TAF4B: variants seen among roughly 807,000 people sequenced by gnomAD.
The protein encoded by TAF4B is TATA-box binding protein associated factor 4b, also known as transcription initiation factor TFIID subunit 4B.
Under a neutral mutation model 86.4 loss-of-function variants are expected in TAF4B, and 38 were observed. The ratio of observed to expected loss-of-function variants is 0.44; its 90% CI spans 0.34 to 0.58. TAF4B has a LOEUF of 0.58. Among genes scored for constraint, TAF4B ranks in the 20% least tolerant of loss-of-function variants. The probability of loss-of-function intolerance (pLI) is 0.02; values close to 1 mark genes in which losing one functional copy is unlikely to be tolerated. For synonymous variants in TAF4B, 388 were observed against 391.2 expected (o/e 0.99, Z 0.10); for missense variants, 988 against 1,027.6 (o/e 0.96, Z 0.53).
At chr18:26,249,462 A>G (rs72880106) in intron 1 of TAF4B, among the ~76,000 whole-genome samples, 6,373 of 150,424 alleles carry the variant, frequency 0.042, 182 homozygotes, top group Non-Finnish European at 0.059. Flanking sequence ...ACAGAGCAAA[A>G]CTCTCTCTCT....
rs1180050315 is a variant in TAF4B, at chr18:26,346,738, A to AAT, written c.2317-10937_2317-10936dup. Among the ~76,000 whole-genome samples, 80 of 90,514 alleles carry AAT rather than the reference A, an allele frequency of 8.8e-4. 7 individuals carry two copies. Among genetic ancestry groups the AAT allele is most frequent in the African/African-American group, 2.0e-3 (50 of 25,488 alleles). 59.4% of individuals were successfully genotyped at this position (90,514 alleles called of 152,430 possible). The stretch of plus-strand genomic sequence containing the variant: ...AAATTTTAAAAAACTGCTAGCCAAG[A>AAT]ATATATATATATATATGTGTGTATA... On this transcript the variant is annotated intron_variant, in intron 13 of 14. Coordinates refer to ENST00000269142, the MANE Select transcript of TAF4B (RefSeq NM_005640.3).
intron 1 of TAF4B, among the ~76,000 whole-genome samples, chr18:26,231,724 A>G (rs992924816): frequency 1.3e-5 from 2 of 152,052 alleles, no homozygotes; most frequent in African/African-American, 4.8e-5. Flanking sequence ...TGCTGACTTC[A>G]AGAATGAAGC....
chr18:26,357,271 A>G (rs1286358004), intron 13 of TAF4B, among the ~76,000 whole-genome samples: 1 of 152,204 alleles, frequency 6.6e-6, no homozygotes, highest in Admixed American at 6.5e-5. Flanking sequence ...TGTAAATTAT[A>G]TAGCATAGTA....
intron 9 of TAF4B, among the ~76,000 whole-genome samples, chr18:26,306,763 G>GTTAT (rs78568667): frequency 0.066 from 9,911 of 151,066 alleles, 388 homozygotes; most frequent in Non-Finnish European, 0.087. Flanking sequence ...CATCACTTCA[G>GTTAT]TTATTTATTT....
intron 9 of TAF4B, among the ~76,000 whole-genome samples, chr18:26,308,841 C>T (rs2056823753): frequency 7.9e-6 from 1 of 126,720 alleles, no homozygotes. Flanking sequence ...CATTTCACTC[C>T]AACCTGGCAG....
intron 13 of TAF4B, among the ~76,000 whole-genome samples, chr18:26,351,765 T>TA (rs1197706821): frequency 2.6e-5 from 4 of 152,136 alleles, no homozygotes; most frequent in African/African-American, 2.4e-5. Flanking sequence ...ATGACTGATG[T>TA]AAAAAATGAT....
At chr18:26,245,590 G>A (rs2055911198) in intron 1 of TAF4B, among the ~76,000 whole-genome samples, 1 of 152,074 alleles carries the variant, frequency 6.6e-6, no homozygotes, top group South Asian at 2.1e-4. Context: ...GCATTTTACA[G>A]AGCACTGATT....
At chr18:26,229,964 A>AAATATAT (rs1555669580) in intron 1 of TAF4B, among the ~76,000 whole-genome samples, 15 of 149,564 alleles carry the variant, frequency 1.0e-4, no homozygotes, top group African/African-American at 3.7e-4. Context: ...TTAAAAAAAA[A>AAATATAT]ATATATATAT....
At position 26,387,146 on chromosome 18, in the gene TAF4B, A is replaced by G. The variant is rs545967183; in HGVS notation, c.2422-2699A>G. On this transcript the variant is annotated intron_variant, in intron 14 of 14. Transcript: ENST00000269142. ...AGTGGCATGATCTTGGCTCACTTCA[A>G]CCTCTGCCTCCCAAGTTCAAGCAGT... Among the ~76,000 whole-genome samples the G allele has an allele frequency of 2.6e-5, 4 of 152,164 alleles. No individual in the cohort carries two copies. In the East Asian group the frequency reaches 5.8e-4, roughly 22 times the overall value.
At chr18:26,339,299 CTT>C (rs1287279540) in intron 13 of TAF4B, among the ~76,000 whole-genome samples, 1 of 152,078 alleles carries the variant, frequency 6.6e-6, no homozygotes, top group African/African-American at 2.4e-5. Context: ...TTTACCATCT[CTT>C]TGTGAAAGTT....
intron 5 of TAF4B, among the ~76,000 whole-genome samples, chr18:26,278,999 T>G (rs1451762093): frequency 6.6e-6 from 1 of 151,342 alleles, no homozygotes; most frequent in Non-Finnish European, 1.5e-5. Context: ...CATTCCTATT[T>G]AACATAATAT....
intron 14 of TAF4B, 143 bp from the exon 15 acceptor site, chr18:26,389,702 A>G: frequency 1.3e-6 from 1 of 793,722 alleles, no homozygotes; most frequent in Non-Finnish European, 1.9e-6. Flanking sequence ...GCTGGAGGAC[A>G]GGGTTAGGTC....
chr18:26,240,463 G>C (rs1377581240), intron 1 of TAF4B, among the ~76,000 whole-genome samples: 1 of 152,128 alleles, frequency 6.6e-6, no homozygotes, highest in South Asian at 2.1e-4. Context: ...GAAGTTGCTT[G>C]TCAGCTTAAG....
At chr18:26,228,549 T>TG (rs1259854407) in intron 1 of TAF4B, among the ~76,000 whole-genome samples, 1 of 152,164 alleles carries the variant, frequency 6.6e-6, no homozygotes, top group Non-Finnish European at 1.5e-5. Context: ...GTTCTGAATG[T>TG]GTTAGAATGA....
chr18:26,304,807 T>C (rs1413333809), intron 9 of TAF4B: 4 of 985,262 alleles, frequency 4.1e-6, no homozygotes, highest in South Asian at 4.7e-5. Context: ...AAATGTCTTA[T>C]GCTGTGTAAT....
chr18:26,277,515 C>T (rs189436751), intron 5 of TAF4B, among the ~76,000 whole-genome samples: 1 of 152,320 alleles, frequency 6.6e-6, no homozygotes, highest in African/African-American at 2.4e-5. Context: ...TTGCAAATCT[C>T]TTTAGTGGCT....
intron 1 of TAF4B, among the ~76,000 whole-genome samples, chr18:26,232,152 G>C (rs756065755): frequency 2.0e-5 from 3 of 152,128 alleles, no homozygotes; most frequent in African/African-American, 4.8e-5. Context: ...CAATCCTCTC[G>C]TAAGACAGAA....
At chr18:26,313,079 A>G (rs1414640099) in intron 9 of TAF4B, among the ~76,000 whole-genome samples, 3 of 152,056 alleles carry the variant, frequency 2.0e-5, no homozygotes, top group Non-Finnish European at 2.9e-5. Context: ...AAGCGTATGT[A>G]TTTTCAAGGT....
intron 9 of TAF4B, among the ~76,000 whole-genome samples, chr18:26,297,751 T>C (rs777685576): frequency 6.6e-5 from 10 of 152,208 alleles, no homozygotes; most frequent in Non-Finnish European, 1.3e-4. Flanking sequence ...TGTTGATGGA[T>C]ATTTGGGTTG....
Sources: allele counts gnomAD v4.1 joint callset (sites outside exome capture counted in the v4.1 genomes callset), GRCh38; gene constraint gnomAD v4.1.1; transcripts MANE v1.5; gene names NCBI Gene and HGNC (gene_info 2026-07-23, HGNC 2026-07-21).